Variants in CCDC192 observed in about 807,000 individuals in gnomAD.
The protein encoded by CCDC192 is coiled-coil domain containing 192, also known as coiled-coil domain-containing protein 192.
intron 6 of CCDC192, among the ~76,000 whole-genome samples, chr5:127,902,893 A>C (rs1042848518): frequency 6.6e-6 from 1 of 152,156 alleles, no homozygotes; most frequent in Admixed American, 6.5e-5. Context: ...TGTGAGCTTA[A>C]CTTTATTGTG....
intron 2 of CCDC192, among the ~76,000 whole-genome samples, chr5:127,752,051 T>C (rs1430402434): frequency 2.0e-5 from 3 of 152,102 alleles, no homozygotes; most frequent in Admixed American, 6.5e-5. Context: ...TTCTTTGCCT[T>C]TGGTTTGAAC....
At chr5:127,866,814 G>C (rs1751634643) in intron 5 of CCDC192, among the ~76,000 whole-genome samples, 2 of 152,048 alleles carry the variant, frequency 1.3e-5, no homozygotes, top group Non-Finnish European at 2.9e-5. Context: ...CCACAAGAAA[G>C]CTGCAGTTTT....
chr5:127,751,851 T>C (rs1466166901), intron 2 of CCDC192, among the ~76,000 whole-genome samples: 1 of 152,212 alleles, frequency 6.6e-6, no homozygotes, highest in Non-Finnish European at 1.5e-5. Context: ...CCTTCTCGCT[T>C]CATTTCATTC....
intron 2 of CCDC192, chr5:127,739,926 T>C (rs552447131): frequency 8.9e-5 from 14 of 157,632 alleles, no homozygotes; most frequent in Non-Finnish European, 1.5e-4. Flanking sequence ...GGACCGGAGC[T>C]GTTCCTATTC....
intron 6 of CCDC192, among the ~76,000 whole-genome samples, chr5:127,883,224 A>C (rs558873808): frequency 1.1e-4 from 16 of 152,298 alleles, no homozygotes; most frequent in African/African-American, 3.8e-4. Context: ...TGTCTCCCCC[A>C]CAGGAATCAT....
chr5:127,829,008 G>T (rs1047610249), intron 5 of CCDC192, among the ~76,000 whole-genome samples: 5 of 152,124 alleles, frequency 3.3e-5, no homozygotes, highest in Non-Finnish European at 7.4e-5. Context: ...GGCAGATATT[G>T]GCTCTCCTTT....
At chr5:127,795,155 T>C (rs540015265) in intron 3 of CCDC192, among the ~76,000 whole-genome samples, 171 of 152,040 alleles carry the variant, frequency 1.1e-3, no homozygotes, top group African/African-American at 4.0e-3. Flanking sequence ...CCAGGCGTGG[T>C]GGTGTGAGCC....
At chr5:127,871,264 T>C (rs1160755530) in intron 5 of CCDC192, among the ~76,000 whole-genome samples, 1 of 152,246 alleles carries the variant, frequency 6.6e-6, no homozygotes, top group African/African-American at 2.4e-5. Flanking sequence ...AGGAGATCAA[T>C]GTAATCATGC....
intron 3 of CCDC192, among the ~76,000 whole-genome samples, chr5:127,763,785 A>G (rs1274481947): frequency 6.6e-6 from 1 of 152,148 alleles, no homozygotes; most frequent in African/African-American, 2.4e-5. Context: ...TCAAATTATC[A>G]TTAATACACC....
chr5:127,839,993 A>C (rs1444465661), intron 5 of CCDC192, among the ~76,000 whole-genome samples: 1 of 152,232 alleles, frequency 6.6e-6, no homozygotes, highest in African/African-American at 2.4e-5. Context: ...AGTTCTCAGA[A>C]GAGCATATGA....
intron 5 of CCDC192, among the ~76,000 whole-genome samples, chr5:127,855,468 A>G (rs1751022853): frequency 6.6e-6 from 1 of 152,154 alleles, no homozygotes; most frequent in South Asian, 2.1e-4. Context: ...GAACCCATCA[A>G]AGTCATCCTT....
In CCDC192 at chr5:127,815,742, C is replaced by T. The variant is rs192593441; in HGVS notation, c.411+17580C>T. 2.9e-3 allele frequency among the ~76,000 whole-genome samples: 438 copies of T among 152,084 alleles called. 2 individuals are homozygous for T. Among genetic ancestry groups the T allele is most frequent in the African/African-American group, 9.8e-3 (407 of 41,482 alleles). On this transcript the variant is annotated intron_variant, in intron 5 of 6. Coordinates refer to ENST00000514853, the MANE Select transcript of CCDC192 (RefSeq NM_001317938.2). ...AATTAGCCAGGCATGGTGGCGGGCA[C>T]CTGTAGTCCCAGCTCCTCAGGAGGC...
At chr5:127,859,599 G>A (rs904448600) in intron 5 of CCDC192, among the ~76,000 whole-genome samples, 21 of 152,174 alleles carry the variant, frequency 1.4e-4, no homozygotes, top group African/African-American at 5.1e-4. Flanking sequence ...CTGGGGAACT[G>A]TGCCTTCCTT....
intron 5 of CCDC192, among the ~76,000 whole-genome samples, chr5:127,845,949 C>G (rs1750513547): frequency 6.6e-6 from 1 of 152,096 alleles, no homozygotes; most frequent in African/African-American, 2.4e-5. Flanking sequence ...GCAATGGTCT[C>G]CCTTGAATCT....
chr5:127,931,448 A>T (rs986976495), intron 6 of CCDC192, among the ~76,000 whole-genome samples: 2 of 152,208 alleles, frequency 1.3e-5, no homozygotes, highest in African/African-American at 4.8e-5. Flanking sequence ...AGTAACATTT[A>T]AAGGCAAAGC....
chr5:127,912,319 C>T (rs567745475), intron 6 of CCDC192, among the ~76,000 whole-genome samples: 72 of 147,734 alleles, frequency 4.9e-4, no homozygotes, highest in Non-Finnish European at 4.0e-4. Flanking sequence ...CCAGTAGCCT[C>T]CCCTTAAAGC....
At chr5:127,706,251 G>A (rs950606900) in intron 1 of CCDC192, among the ~76,000 whole-genome samples, 6 of 152,128 alleles carry the variant, frequency 3.9e-5, no homozygotes, top group Non-Finnish European at 5.9e-5. Context: ...TTTATTGGCA[G>A]GGCGCAGTGG....
rs187468457 is a variant in CCDC192 at position 127,921,431 on chromosome 5, T to A, written c.536-19751T>A. Among the ~76,000 whole-genome samples the A allele has an allele frequency of 2.2e-4, 33 of 152,300 alleles. No homozygotes were observed. The Middle Eastern group carries it at 0.01, about 47-fold the overall frequency. On this transcript the variant is annotated intron_variant, in intron 6 of 6. Transcript: ENST00000514853. ...ATTTAACTCAACAAGAATTTAGCAC[T>A]TACCATGTACCCACTATCTGGCAAC...
intron 3 of CCDC192, among the ~76,000 whole-genome samples, chr5:127,768,915 A>G (rs1281395013): frequency 6.6e-6 from 1 of 152,226 alleles, no homozygotes; most frequent in African/African-American, 2.4e-5. Context: ...CTGCCAGGAA[A>G]TTTCCTAATT....
Sources: allele counts gnomAD v4.1 joint callset (sites outside exome capture counted in the v4.1 genomes callset), GRCh38; gene constraint gnomAD v4.1.1; transcripts MANE v1.5; gene names NCBI Gene and HGNC (gene_info 2026-07-23, HGNC 2026-07-21).